Variants in ZEB1 observed in about 807,000 individuals in gnomAD.
The protein encoded by ZEB1 is zinc finger E-box-binding homeobox 1.
In ZEB1, 21 loss-of-function variants were observed where a neutral mutation model predicts 84.9. The ratio of observed to expected loss-of-function variants is 0.25; its 90% CI spans 0.18 to 0.36. The LOEUF (loss-of-function observed/expected upper bound fraction) is 0.36. Among genes scored for constraint, ZEB1 ranks in the 10% least tolerant of loss-of-function variants. ZEB1 has a pLI of 1.00. For synonymous variants in ZEB1, 420 were observed against 471.1 expected, an observed-to-expected ratio of 0.89 and a Z score of 1.41; for missense variants, 1,104 against 1,330.2, an observed-to-expected ratio of 0.83 and a Z score of 2.65.
At chr10:31,335,627 G>A (rs1358595615) in intron 1 of ZEB1, among the ~76,000 whole-genome samples, 1 of 152,058 alleles carries the variant, frequency 6.6e-6, no homozygotes, top group African/African-American at 2.4e-5. Context: ...CCTGATAAAG[G>A]CATTTTTTTC....
chr10:31,428,006 CA>C (rs1378384538), intron 1 of ZEB1, among the ~76,000 whole-genome samples: 2 of 151,650 alleles, frequency 1.3e-5, no homozygotes, highest in Non-Finnish European at 2.9e-5. Context: ...TAATTTTTTT[CA>C]AAAAAACTAG....
intron 1 of ZEB1, among the ~76,000 whole-genome samples, chr10:31,360,767 AT>A (rs2042894138): frequency 6.6e-6 from 1 of 152,232 alleles, no homozygotes; most frequent in Non-Finnish European, 1.5e-5. Context: ...TTAGTGAGTG[AT>A]TTTTTTAAAT....
chr10:31,502,600 A>T, intron 4 of ZEB1, 91 bp downstream of exon 4: 1 of 1,551,898 alleles, frequency 6.4e-7, no homozygotes, highest in East Asian at 2.3e-5. Context: ...TACTATAGGG[A>T]ACATTCTTGA....
At chr10:31,321,301 C>T (rs2033979304) in intron 1 of ZEB1, 5 of 1,397,978 alleles carry the variant, frequency 3.6e-6, no homozygotes, top group Non-Finnish European at 4.7e-6. Context: ...TTCGAGCCAT[C>T]ATTAAAATCA....
At chr10:31,329,916 TG>T in intron 1 of ZEB1, among the ~76,000 whole-genome samples, 1 of 152,308 alleles carries the variant, frequency 6.6e-6, no homozygotes. Flanking sequence ...ATTATTCAGT[TG>T]TAAGAGTTCT....
intron 1 of ZEB1, among the ~76,000 whole-genome samples, chr10:31,352,428 G>A (rs982603141): frequency 6.6e-6 from 1 of 152,192 alleles, no homozygotes; most frequent in Admixed American, 6.6e-5. Context: ...TAAGGAAGAT[G>A]GTGAGTGTTT....
intron 1 of ZEB1, among the ~76,000 whole-genome samples, chr10:31,366,562 G>A (rs1400757872): frequency 3.9e-5 from 6 of 152,144 alleles, no homozygotes; most frequent in Admixed American, 3.9e-4. Context: ...CAATCTTCCT[G>A]AAGTACTAAT....
chr10:31,411,295 A>G (rs1421293138), intron 1 of ZEB1, among the ~76,000 whole-genome samples: 1 of 152,196 alleles, frequency 6.6e-6, no homozygotes, highest in Non-Finnish European at 1.5e-5. Context: ...GGCAGAAAAA[A>G]ATAAGTTCTT....
chr10:31,373,275 A>T, intron 1 of ZEB1: 1 of 962,064 alleles, frequency 1.0e-6, no homozygotes, highest in Non-Finnish European at 1.2e-6. Context: ...AAAATCTAGG[A>T]CATAATGACA....
intron 1 of ZEB1, among the ~76,000 whole-genome samples, chr10:31,328,637 G>C (rs1346865244): frequency 6.6e-6 from 1 of 152,066 alleles, no homozygotes; most frequent in Non-Finnish European, 1.5e-5. Flanking sequence ...ATGATCAATA[G>C]ACACTGAAGC....
At position 31,527,948 on chromosome 10, in the gene ZEB1, C is replaced by G. The variant is rs924486432; in HGVS notation, c.*684C>G. 3.3e-5 allele frequency: 5 copies of G among 152,274 alleles called. No individual in the cohort carries two copies. Among genetic ancestry groups the G allele is most frequent in the African/African-American group, 1.2e-4 (5 of 41,448 alleles). 9.4% of individuals were successfully genotyped at this position (152,274 alleles called of 1,614,324 possible). On this transcript the variant is annotated 3_prime_UTR_variant, in exon 9 of 9. Coordinates refer to ENST00000424869, the MANE Select transcript of ZEB1 (RefSeq NM_001174096.2). ...CTGATAGAAGAACTGAAGTTTCTTA[C>G]TCACGTGGTTTAAAATGGAGTTCAA... is the stretch of plus-strand genomic sequence containing the variant.
intron 2 of ZEB1, among the ~76,000 whole-genome samples, chr10:31,465,754 C>G (rs943049723): frequency 6.6e-6 from 1 of 151,292 alleles, no homozygotes. Context: ...GCTAGGACTA[C>G]AGGCATATGC....
intron 1 of ZEB1, among the ~76,000 whole-genome samples, chr10:31,331,381 T>A (rs1228290581): frequency 2.6e-5 from 4 of 152,160 alleles, no homozygotes; most frequent in Non-Finnish European, 5.9e-5. Context: ...CCACCACGCC[T>A]GGCCCGAAGT....
At chr10:31,382,006 CAAAAAAAAAAAAAAA>C (rs535534850) in intron 1 of ZEB1, among the ~76,000 whole-genome samples, 2 of 40,770 alleles carry the variant, frequency 4.9e-5, no homozygotes, top group East Asian at 5.5e-4. Flanking sequence ...GAGACTGTCT[CAAAAAAAAAAAAAAA>C]AAAAAAAAAA....
At chr10:31,435,409 A>G (rs1306148506) in intron 1 of ZEB1, among the ~76,000 whole-genome samples, 5 of 152,266 alleles carry the variant, frequency 3.3e-5, no homozygotes, top group Non-Finnish European at 5.9e-5. Context: ...CATCAACAAT[A>G]GAAAACTAAT....
At chr10:31,371,175 G>A (rs2045631890) in intron 1 of ZEB1, among the ~76,000 whole-genome samples, 1 of 151,948 alleles carries the variant, frequency 6.6e-6, no homozygotes, top group Admixed American at 6.6e-5. Flanking sequence ...ATCATTCTGT[G>A]GTTTTTAATT....
At chr10:31,397,551 A>T (rs1217669810) in intron 1 of ZEB1, among the ~76,000 whole-genome samples, 1 of 152,184 alleles carries the variant, frequency 6.6e-6, no homozygotes, top group Non-Finnish European at 1.5e-5. Context: ...GTCCAGCTTC[A>T]GTCCTGAAAT....
In ZEB1 at chr10:31,395,707, G is replaced by A. The variant is rs192619944; in HGVS notation, c.59-65330G>A. ...AGGAAGATTATGCCAAAAGAGTGAC[G>A]TAGGAGCTGTAAAGGAGGGACTTCA... is the stretch of plus-strand genomic sequence containing the variant. On this transcript the variant is annotated intron_variant, in intron 1 of 8. Coordinates refer to ENST00000424869, the MANE Select transcript of ZEB1 (RefSeq NM_001174096.2). Among the ~76,000 whole-genome samples the A allele has an allele frequency of 4.1e-3, 631 of 152,272 alleles. 2 individuals are homozygous for A. Among genetic ancestry groups the A allele is most frequent in the South Asian group, 0.013 (63 of 4,826 alleles).
chr10:31,443,675 T>C (rs1315405536), intron 1 of ZEB1, among the ~76,000 whole-genome samples: 3 of 150,192 alleles, frequency 2.0e-5, no homozygotes, highest in Admixed American at 6.6e-5. Flanking sequence ...TGGTTTTTTG[T>C]TCTTGCGATA....
Sources: gnomAD v4.1 joint callset for allele counts (sites outside exome capture counted in the v4.1 genomes callset) on GRCh38, gnomAD v4.1.1 for gene constraint, MANE v1.5 for transcripts, NCBI Gene and HGNC (gene_info 2026-07-23, HGNC 2026-07-21) for gene names.